Variants in SDK1 observed in about 807,000 individuals in gnomAD.
SDK1 encodes sidekick cell adhesion molecule 1, also known as protein sidekick-1.
A neutral mutation model predicts 245.5 loss-of-function variants in SDK1; 157 were observed. The observed-to-expected ratio is 0.64, with a 90% CI of 0.56 to 0.73. SDK1 has a LOEUF of 0.73. Ranked by LOEUF, SDK1 falls within the 30% of genes least tolerant of loss-of-function variation. SDK1 has a pLI of 0.00. For synonymous variants in SDK1, 1,647 were observed against 1,278.5 expected (o/e 1.29, Z -6.15); for missense variants, 3,583 against 3,002.3 (o/e 1.19, Z -4.52).
At chr7:3,418,265 C>T (rs1162453522) in intron 1 of SDK1, among the ~76,000 whole-genome samples, 3 of 151,876 alleles carry the variant, frequency 2.0e-5, no homozygotes, top group African/African-American at 4.8e-5. Flanking sequence ...TGCAGTGAGC[C>T]GAGATTGCGC....
At chr7:4,000,184 C>T (rs1187762955) in intron 14 of SDK1, among the ~76,000 whole-genome samples, 6 of 152,192 alleles carry the variant, frequency 3.9e-5, no homozygotes, top group African/African-American at 1.4e-4. Context: ...AGGAGGCCTG[C>T]TGAGGAAACC....
At chr7:4,065,690 T>G (rs1012841920) in intron 19 of SDK1, among the ~76,000 whole-genome samples, 50 of 101,168 alleles carry the variant, frequency 4.9e-4, no homozygotes, top group African/African-American at 1.9e-3. Context: ...GATGAGTGGT[T>G]GTTGTTTTTT....
At chr7:3,800,861 A>G (rs1270285218) in intron 4 of SDK1, among the ~76,000 whole-genome samples, 1 of 152,170 alleles carries the variant, frequency 6.6e-6, no homozygotes, top group Non-Finnish European at 1.5e-5. Context: ...AAGCCCGGGT[A>G]TACCAGCAGC....
At chr7:4,225,973 G>A (rs1178637382) in intron 40 of SDK1, among the ~76,000 whole-genome samples, 1 of 152,144 alleles carries the variant, frequency 6.6e-6, no homozygotes, top group Non-Finnish European at 1.5e-5. Flanking sequence ...ATGGGAAGTT[G>A]AGACGCCCCC....
At chr7:3,957,272 CT>C (rs1377630359) in intron 7 of SDK1, among the ~76,000 whole-genome samples, 2 of 152,196 alleles carry the variant, frequency 1.3e-5, no homozygotes, top group African/African-American at 2.4e-5. Flanking sequence ...CATGTGCCGT[CT>C]TTTCACGCAC....
chr7:3,609,932 C>T (rs959284401), intron 1 of SDK1, among the ~76,000 whole-genome samples: 1 of 146,682 alleles, frequency 6.8e-6, no homozygotes, highest in African/African-American at 2.5e-5. Flanking sequence ...AACTCCTGAC[C>T]TCAGGTGATC....
chr7:3,414,935 T>A (rs1779319664), intron 1 of SDK1, among the ~76,000 whole-genome samples: 1 of 152,208 alleles, frequency 6.6e-6, no homozygotes, highest in Non-Finnish European at 1.5e-5. Flanking sequence ...AAAAAATATT[T>A]CCGTGCACGG....
At chr7:3,793,549 C>T (rs777028609) in intron 4 of SDK1, among the ~76,000 whole-genome samples, 12 of 152,190 alleles carry the variant, frequency 7.9e-5, no homozygotes, top group Non-Finnish European at 1.0e-4. Context: ...ACCCGTGATC[C>T]TCTGCCCTTT....
At position 3,950,852 on chromosome 7, in the gene SDK1, C is replaced by T. The variant is rs550040486; in HGVS notation, c.848-71C>T. The stretch of plus-strand genomic sequence containing the variant: ...TATCCCCGGGGGTCTTGGAACGTGT[C>T]CCCTCAGATAACGGCGGGGGGTGCT... On this transcript the variant is annotated intron_variant, in intron 5 of 44. Coordinates refer to ENST00000404826, the MANE Select transcript of SDK1 (RefSeq NM_152744.4). 24 of 1,203,162 alleles carry T rather than the reference C, an allele frequency of 2.0e-5. No individual in the cohort carries two copies. The Admixed American group carries it at 2.8e-4, about 14-fold the overall frequency. 74.5% of individuals were successfully genotyped at this position (1,203,162 alleles called of 1,614,324 possible).
chr7:4,143,814 A>T (rs638179), intron 28 of SDK1, among the ~76,000 whole-genome samples: 1 of 152,066 alleles, frequency 6.6e-6, no homozygotes. Context: ...CTGGGGACCC[A>T]TCTTGGAGCT....
intron 4 of SDK1, among the ~76,000 whole-genome samples, chr7:3,651,130 G>T (rs1430507045): frequency 2.9e-4 from 41 of 142,182 alleles, no homozygotes; most frequent in Admixed American, 1.3e-3. Flanking sequence ...TTTAGTTTTA[G>T]TTTTTTTTTT....
At chr7:3,747,304 G>C (rs184942611) in intron 4 of SDK1, among the ~76,000 whole-genome samples, 1 of 152,176 alleles carries the variant, frequency 6.6e-6, no homozygotes. Flanking sequence ...CAAGTCTTTA[G>C]AAAATAATGA....
chr7:4,085,093 T>A (rs181233813), intron 22 of SDK1, among the ~76,000 whole-genome samples: 2 of 152,286 alleles, frequency 1.3e-5, no homozygotes, highest in Non-Finnish European at 2.9e-5. Flanking sequence ...ATATTTTCCC[T>A]TACTCTAAGA....
rs769851000 is a variant in SDK1, at chr7:4,077,188, A to G, written c.3201A>G (p.Pro1067=). Residue 1067 remains proline, a splice_region_variant and synonymous_variant, in exon 21 of 45, where the codon CCA becomes CCG. Coordinates refer to ENST00000404826, the MANE Select transcript of SDK1 (RefSeq NM_152744.4). ...TSSTISSGVP[P]DLPGAPSNLV... ...CCACCATTTCTTCTGGAGTGCCCCC[A>G]GGTCAGTAGAATCGTGTGCGGTCCT... 1 of 1,613,984 alleles carries G rather than the reference A, an allele frequency of 6.2e-7. No homozygotes were observed. Among genetic ancestry groups the G allele is most frequent in the Non-Finnish European group, 8.5e-7 (1 of 1,179,904 alleles).
At chr7:3,615,119 C>T (rs1056900635) in intron 1 of SDK1, among the ~76,000 whole-genome samples, 1 of 151,484 alleles carries the variant, frequency 6.6e-6, no homozygotes, top group Admixed American at 6.6e-5. Flanking sequence ...GAAGCTTTTC[C>T]CTTTCGAAAA....
intron 1 of SDK1, chr7:3,338,311 G>C: frequency 2.1e-6 from 1 of 487,018 alleles, no homozygotes. Flanking sequence ...AAAACTGCAA[G>C]AGTCTACGAT....
chr7:3,958,807 A>G, intron 7 of SDK1, 124 bp from the exon 8 acceptor site: 1 of 778,442 alleles, frequency 1.3e-6, no homozygotes, highest in South Asian at 1.6e-5. Context: ...TGTATGCACG[A>G]TGCTAACTAA....
intron 31 of SDK1, 104 bp from the exon 32 acceptor site, chr7:4,161,682 G>A (rs1781131981): frequency 4.6e-6 from 4 of 873,970 alleles, no homozygotes; most frequent in Middle Eastern, 2.8e-4. Context: ...AAGGAAGGAG[G>A]CAGGGCTCAC....
intron 1 of SDK1, among the ~76,000 whole-genome samples, chr7:3,460,492 T>C (rs533349010): frequency 6.6e-6 from 1 of 152,334 alleles, no homozygotes; most frequent in South Asian, 2.1e-4. Context: ...AAAAGGAATT[T>C]AGAAATGTAC....
Sources: allele counts gnomAD v4.1 joint callset (sites outside exome capture counted in the v4.1 genomes callset), GRCh38; gene constraint gnomAD v4.1.1; transcripts MANE v1.5; gene names NCBI Gene and HGNC (gene_info 2026-07-23, HGNC 2026-07-21).